The following RUFY3 variants were observed in gnomAD, a reference collection of about 807,000 sequenced individuals.
The protein encoded by RUFY3 is protein RUFY3.
In RUFY3, 34 loss-of-function variants were observed where a neutral mutation model predicts 84.0. The ratio of observed to expected loss-of-function variants is 0.40; its 90% CI spans 0.31 to 0.54. RUFY3 has a LOEUF of 0.54. RUFY3 is among the 20% of genes least tolerant of loss of function. The pLI, the probability that RUFY3 is intolerant of heterozygous loss-of-function variation, is 0.39. For missense variants in RUFY3, 507 were observed against 736.8 expected (o/e 0.69, Z 3.61); for synonymous variants, 242 against 252.9 (o/e 0.96, Z 0.41).
chr4:70,726,469 TCTC>T (rs1718261061), intron 1 of RUFY3, among the ~76,000 whole-genome samples: 1 of 152,128 alleles, frequency 6.6e-6, no homozygotes, highest in Non-Finnish European at 1.5e-5. Context: ...TTCAAGCAAT[TCTC>T]CTTAACTCAG....
At position 70,780,430 on chromosome 4, in the gene RUFY3, A is replaced by C. The variant is rs113305201; in HGVS notation, c.894+1992A>C. Among the ~76,000 whole-genome samples the C allele has an allele frequency of 5.7e-3, 865 of 152,228 alleles. 14 individuals are homozygous for C. Among genetic ancestry groups the C allele is most frequent in the African/African-American group, 0.02 (839 of 41,524 alleles). The stretch of plus-strand genomic sequence containing the variant: ...CTGCCTCAGCCTCCGAGTAGCCGGG[A>C]CCACAGGCATGCACCATCACAGCTG... On this transcript the variant is annotated intron_variant, in intron 8 of 17. Transcript: ENST00000381006.
At chr4:70,754,253 A>G (rs1215498220) in intron 1 of RUFY3, among the ~76,000 whole-genome samples, 1 of 151,996 alleles carries the variant, frequency 6.6e-6, no homozygotes, top group Non-Finnish European at 1.5e-5. Flanking sequence ...GGGCTTCCCC[A>G]TGTTGGCCAG....
intron 1 of RUFY3, among the ~76,000 whole-genome samples, chr4:70,753,547 A>C (rs959948275): frequency 1.3e-5 from 2 of 152,178 alleles, no homozygotes; most frequent in African/African-American, 2.4e-5. Context: ...TAATGCACAT[A>C]CAGATTGCTT....
At chr4:70,796,353 C>A (rs986773095) in intron 14 of RUFY3, among the ~76,000 whole-genome samples, 1 of 152,140 alleles carries the variant, frequency 6.6e-6, no homozygotes, top group South Asian at 2.1e-4. Flanking sequence ...TTGATTGCAC[C>A]ACTTCCACCT....
chr4:70,723,918 G>T (rs1009709078), intron 1 of RUFY3, among the ~76,000 whole-genome samples: 1 of 152,146 alleles, frequency 6.6e-6, no homozygotes, highest in Non-Finnish European at 1.5e-5. Flanking sequence ...CCTTAGCCTT[G>T]AGAAAGTTTT....
intron 1 of RUFY3, among the ~76,000 whole-genome samples, chr4:70,741,151 A>G (rs1320434225): frequency 1.3e-5 from 2 of 150,548 alleles, no homozygotes; most frequent in Non-Finnish European, 2.9e-5. Flanking sequence ...GGAGTTGGAA[A>G]AAGTATTTGG....
chr4:70,793,166 C>T (rs1731077272), intron 12 of RUFY3: 8 of 985,952 alleles, frequency 8.1e-6, no homozygotes, highest in Non-Finnish European at 8.4e-6. Context: ...TCTTTGTCCA[C>T]TTAGTCACAC....
chr4:70,783,381 A>G (rs143273119), intron 9 of RUFY3, among the ~76,000 whole-genome samples, 198 bp downstream of exon 9: 1 of 152,372 alleles, frequency 6.6e-6, no homozygotes, highest in Non-Finnish European at 1.5e-5. Context: ...GTGGCTTCAC[A>G]GCCACCTACA....
chr4:70,802,847 T>A, intron 15 of RUFY3, 109 bp from the exon 16 acceptor site: 1 of 721,434 alleles, frequency 1.4e-6, no homozygotes, highest in East Asian at 2.6e-5. Flanking sequence ...AGACCTACAG[T>A]ATTTCTTGTT....
intron 1 of RUFY3, among the ~76,000 whole-genome samples, chr4:70,757,560 C>T (rs186819904): frequency 4.2e-4 from 63 of 150,718 alleles, no homozygotes; most frequent in African/African-American, 1.1e-3. Context: ...GCCAAGATCG[C>T]GCCATTGCAC....
upstream of RUFY3, among the ~76,000 whole-genome samples, chr4:70,721,322 G>T (rs140213401): frequency 1.1e-4 from 17 of 151,826 alleles, 1 homozygote; most frequent in African/African-American, 3.9e-4. Context: ...AAAAAGAAAC[G>T]TATTTTATGC....
At chr4:70,739,896 C>T (rs952857269) in intron 1 of RUFY3, among the ~76,000 whole-genome samples, 4 of 147,060 alleles carry the variant, frequency 2.7e-5, no homozygotes, top group African/African-American at 1.0e-4. Context: ...GAGGCTGAGG[C>T]AGGATAATTG....
intron 3 of RUFY3, 68 bp from the exon 4 acceptor site, chr4:70,764,407 C>A: frequency 9.5e-7 from 1 of 1,055,914 alleles, no homozygotes; most frequent in Non-Finnish European, 1.5e-6. Context: ...AATAAGTGAA[C>A]TGATTCTACT....
chr4:70,792,217 T>C (rs1459701559), intron 12 of RUFY3: 3 of 985,468 alleles, frequency 3.0e-6, no homozygotes, highest in African/African-American at 1.7e-5. Flanking sequence ...AATGATGATA[T>C]TCTGCCTGGC....
chr4:70,711,893 C>T (rs908201081), intron 1 of RUFY3, among the ~76,000 whole-genome samples: 3 of 152,208 alleles, frequency 2.0e-5, no homozygotes, highest in Non-Finnish European at 2.9e-5. Flanking sequence ...TTTGTCTTCC[C>T]AGCCAATTCT....
chr4:70,791,298 G>A (rs779553883), intron 12 of RUFY3: 6 of 1,612,864 alleles, frequency 3.7e-6, no homozygotes, highest in Non-Finnish European at 5.1e-6. Context: ...ACATCATTAG[G>A]CATTTTTAAG....
At chr4:70,705,070 G>T in exon 1 of RUFY3, 1 of 1,293,298 alleles carries the variant, frequency 7.7e-7, no homozygotes, top group Non-Finnish European at 9.8e-7. Context: ...GGCGAGGCGG[G>T]GCCGCCGCCG....
Position 70,802,975 on chromosome 4 carries a change from G to C in RUFY3, c.1642G>C (p.Asp548His), listed in dbSNP as rs1186669452. 16 of 1,608,912 alleles carry C rather than the reference G, an allele frequency of 9.9e-6. No homozygotes were observed. The highest frequency in any genetic ancestry group is 1.3e-5 in the Non-Finnish European group (15 of 1,177,446). ...TTGTAGGCTGCAACCCCACCCTATG[G>C]ATGAACAGGTAACAGAGCCTCCTGT... ...ESHRLQPHPM[D>H]EQDQLLLSEK... The change falls in exon 16 of 18, where the codon GAT becomes CAT. Residue 548 changes from aspartate (D) to histidine (H), a missense_variant. Asp to His is a moderately conservative substitution (Grantham distance 81). Coordinates refer to ENST00000381006, the MANE Select transcript of RUFY3 (RefSeq NM_001037442.4).
chr4:70,718,119 G>A (rs536444733), upstream of RUFY3, among the ~76,000 whole-genome samples: 546 of 152,044 alleles, frequency 3.6e-3, 4 homozygotes, highest in African/African-American at 0.013. Context: ...TCCTGACCTC[G>A]TGATCTACCT....
Sources: allele counts gnomAD v4.1 joint callset (sites outside exome capture counted in the v4.1 genomes callset), GRCh38; gene constraint gnomAD v4.1.1; transcripts MANE v1.5; gene names NCBI Gene and HGNC (gene_info 2026-07-23, HGNC 2026-07-21).